GRIK2: variants seen among roughly 807,000 people sequenced by gnomAD.
GRIK2 encodes glutamate receptor ionotropic, kainate 2.
Under a neutral mutation model 100.3 loss-of-function variants are expected in GRIK2, and 32 were observed. That is an observed-to-expected ratio of 0.32 (90% confidence interval 0.24 to 0.43). GRIK2 has a LOEUF of 0.43. Among genes scored for constraint, GRIK2 ranks in the 20% least tolerant of loss-of-function variants. The probability of loss-of-function intolerance (pLI) is 1.00; values close to 1 mark genes in which losing one functional copy is unlikely to be tolerated. For missense variants in GRIK2, 843 were observed against 1,114.9 expected (o/e 0.76, Z 3.47); for synonymous variants, 417 against 389.4 (o/e 1.07, Z -0.83).
chr6:101,485,005 T>G (rs1305808198), intron 2 of GRIK2, among the ~76,000 whole-genome samples: 2 of 152,172 alleles, frequency 1.3e-5, no homozygotes. Flanking sequence ...TGAAACACAT[T>G]TCTCCTATCA....
At chr6:102,065,435 C>G (rs1049737310) in intron 16 of GRIK2, among the ~76,000 whole-genome samples, 1 of 151,018 alleles carries the variant, frequency 6.6e-6, no homozygotes, top group Non-Finnish European at 1.5e-5. Flanking sequence ...CAGAGTTTAC[C>G]TCTTAAATTG....
At chr6:101,911,449 G>A (rs1376230734) in intron 12 of GRIK2, among the ~76,000 whole-genome samples, 1 of 151,220 alleles carries the variant, frequency 6.6e-6, no homozygotes, top group Admixed American at 6.6e-5. Flanking sequence ...AATGTATTTG[G>A]GTAGCTTTAT....
intron 4 of GRIK2, among the ~76,000 whole-genome samples, chr6:101,654,960 T>C (rs1781988567): frequency 2.0e-5 from 3 of 152,198 alleles, no homozygotes; most frequent in Non-Finnish European, 4.4e-5. Flanking sequence ...ATGACATATA[T>C]ATGGGGATTG....
At chr6:101,823,753 G>A (rs770287844) in intron 10 of GRIK2, among the ~76,000 whole-genome samples, 2 of 151,756 alleles carry the variant, frequency 1.3e-5, no homozygotes, top group African/African-American at 4.8e-5. Context: ...TGCTGCTGCT[G>A]TTAGCTATGG....
chr6:101,486,400 G>GA (rs66744316), intron 2 of GRIK2, among the ~76,000 whole-genome samples: 1 of 133,190 alleles, frequency 7.5e-6, no homozygotes, highest in Non-Finnish European at 1.6e-5. Flanking sequence ...GCGGGGGGGG[G>GA]AAGCTAAGTA....
intron 4 of GRIK2, among the ~76,000 whole-genome samples, chr6:101,672,889 A>C (rs1372714437): frequency 6.6e-6 from 1 of 152,142 alleles, no homozygotes; most frequent in East Asian, 1.9e-4. Flanking sequence ...GAACATACAC[A>C]TGCATGTTTT....
chr6:101,844,727 A>G (rs972052756), intron 10 of GRIK2, among the ~76,000 whole-genome samples: 1 of 152,182 alleles, frequency 6.6e-6, no homozygotes, highest in Non-Finnish European at 1.5e-5. Context: ...TAGCAATTTG[A>G]GGACACATGA....
chr6:101,931,990 C>G (rs1403277705), intron 14 of GRIK2, among the ~76,000 whole-genome samples: 1 of 152,032 alleles, frequency 6.6e-6, no homozygotes, highest in Non-Finnish European at 1.5e-5. Flanking sequence ...ATTCTTTTCT[C>G]CCTGAAGTAT....
chr6:101,986,826 A>C (rs1258238034), intron 14 of GRIK2, among the ~76,000 whole-genome samples: 2 of 151,848 alleles, frequency 1.3e-5, no homozygotes, highest in Non-Finnish European at 2.9e-5. Context: ...AAAGATGAAA[A>C]ACATTTAAAA....
At chr6:101,500,947 TTATTAA>T (rs1437796871) in intron 2 of GRIK2, among the ~76,000 whole-genome samples, 2 of 92,956 alleles carry the variant, frequency 2.2e-5, no homozygotes, top group Non-Finnish European at 4.0e-5. Flanking sequence ...ATAATTAGTC[TTATTAA>T]TATTAACAGT....
intron 15 of GRIK2, among the ~76,000 whole-genome samples, chr6:102,046,389 G>C (rs574777752): frequency 4.5e-4 from 69 of 152,128 alleles, no homozygotes; most frequent in African/African-American, 1.6e-3. Flanking sequence ...GGAGGGACAT[G>C]GTGGGAATTA....
In GRIK2 at chr6:101,554,117, A is replaced by G. The variant is rs1728899469; in HGVS notation, c.116-67832A>G. On this transcript the variant is annotated intron_variant, in intron 2 of 16. Transcript: ENST00000369134. ...TGTAAACGTAGAGAGTGAAACCATA[A>G]GCAGTAGGAACAGAATTAGCAAAGT... 2.0e-5 allele frequency among the ~76,000 whole-genome samples: 3 copies of G among 152,190 alleles called. No homozygotes were observed. The South Asian group carries it at 6.2e-4, about 31-fold the overall frequency.
intron 2 of GRIK2, among the ~76,000 whole-genome samples, chr6:101,608,251 A>G (rs1779520313): frequency 6.6e-6 from 1 of 151,848 alleles, no homozygotes; most frequent in Non-Finnish European, 1.5e-5. Context: ...TTTATTAGCC[A>G]TATATTCTGA....
At chr6:101,679,144 G>C (rs956221999) in intron 5 of GRIK2, among the ~76,000 whole-genome samples, 2 of 152,168 alleles carry the variant, frequency 1.3e-5, no homozygotes, top group African/African-American at 4.8e-5. Flanking sequence ...GTTTAGATCA[G>C]AGAGTGTGAA....
chr6:101,717,391 A>T (rs1247913953), intron 7 of GRIK2, among the ~76,000 whole-genome samples: 1 of 151,868 alleles, frequency 6.6e-6, no homozygotes, highest in African/African-American at 2.4e-5. Flanking sequence ...CATCGGTGTT[A>T]ACGCTGACAA....
In GRIK2 at chr6:101,827,872, G is replaced by A. The variant is rs183817095; in HGVS notation, c.1317+9389G>A. On this transcript the variant is annotated intron_variant, in intron 10 of 16. Coordinates refer to ENST00000369134, the MANE Select transcript of GRIK2 (RefSeq NM_021956.5). ...ACACCACTGACAGAATTAGAGAGACGATTGAGGCAGAAAACAAAGAAATTC... is the reference window on the plus strand; with the variant it reads ...ACACCACTGACAGAATTAGAGAGACAATTGAGGCAGAAAACAAAGAAATTC... Among the ~76,000 whole-genome samples the A allele has an allele frequency of 6.6e-5, 10 of 151,770 alleles. No homozygotes were observed. In the East Asian group the frequency reaches 1.3e-3, roughly 20 times the overall value.
chr6:101,583,425 G>T (rs678169), intron 2 of GRIK2, among the ~76,000 whole-genome samples: 54,800 of 151,818 alleles, frequency 0.36, 10,946 homozygotes, highest in African/African-American at 0.54. Context: ...CTATGAGAAT[G>T]TTTTTCTGCC....
intron 4 of GRIK2, among the ~76,000 whole-genome samples, chr6:101,638,480 T>C (rs1045019915): frequency 6.6e-6 from 1 of 151,836 alleles, no homozygotes; most frequent in Non-Finnish European, 1.5e-5. Context: ...ATTTAGAAAA[T>C]GGCATTTGAA....
At chr6:101,994,718 C>A (rs1794560173) in intron 14 of GRIK2, among the ~76,000 whole-genome samples, 1 of 151,784 alleles carries the variant, frequency 6.6e-6, no homozygotes, top group African/African-American at 2.4e-5. Context: ...TCCATTAGAG[C>A]TAGGATGAAC....
Sources: gnomAD v4.1 joint callset for allele counts (sites outside exome capture counted in the v4.1 genomes callset) on GRCh38, gnomAD v4.1.1 for gene constraint, MANE v1.5 for transcripts, NCBI Gene and HGNC (gene_info 2026-07-23, HGNC 2026-07-21) for gene names.